NAV2: variants seen among roughly 807,000 people sequenced by gnomAD.
NAV2 encodes the protein neuron navigator 2.
Under a neutral mutation model 223.2 loss-of-function variants are expected in NAV2, and 54 were observed. The ratio of observed to expected loss-of-function variants is 0.24; its 90% CI spans 0.19 to 0.30. The LOEUF is 0.30. NAV2 is among the 10% of genes least tolerant of loss of function. The pLI, the probability that NAV2 is intolerant of heterozygous loss-of-function variation, is 1.00. For missense variants in NAV2, 2,806 were observed against 3,147.5 expected (o/e 0.89, Z 2.60); for synonymous variants, 1,279 against 1,239.3 (o/e 1.03, Z -0.67).
intron 1 of NAV2, among the ~76,000 whole-genome samples, chr11:19,791,537 C>G (rs2057521408): frequency 6.6e-6 from 1 of 152,310 alleles, no homozygotes; most frequent in African/African-American, 2.4e-5. Flanking sequence ...CATCCCATTG[C>G]TGTTGGTAAA....
chr11:19,429,591 G>A (rs1468727527), intron 1 of NAV2, among the ~76,000 whole-genome samples: 1 of 152,336 alleles, frequency 6.6e-6, no homozygotes, highest in East Asian at 1.9e-4. Flanking sequence ...GTTGGTTTAA[G>A]GTTGCAGGGA....
intron 1 of NAV2, among the ~76,000 whole-genome samples, chr11:19,463,301 G>C (rs573987708): frequency 6.6e-6 from 1 of 152,198 alleles, no homozygotes; most frequent in East Asian, 1.9e-4. Context: ...GCATTGTGCC[G>C]TGTCTAAGAA....
At chr11:19,643,940 A>G (rs950849340) in intron 1 of NAV2, among the ~76,000 whole-genome samples, 2 of 152,232 alleles carry the variant, frequency 1.3e-5, no homozygotes, top group Admixed American at 6.5e-5. Context: ...TGTGTGTTAT[A>G]TTTGAGCACG....
intron 4 of NAV2, among the ~76,000 whole-genome samples, chr11:19,870,525 T>A (rs1335326546): frequency 6.6e-6 from 1 of 152,144 alleles, no homozygotes; most frequent in Non-Finnish European, 1.5e-5. Flanking sequence ...TGGCTGGTAG[T>A]GACCCCTGGC....
intron 11 of NAV2, 45 bp from the exon 12 acceptor site, chr11:20,035,914 A>G (rs746351406): frequency 1.2e-6 from 2 of 1,612,238 alleles, no homozygotes; most frequent in Admixed American, 1.7e-5. Flanking sequence ...CTGAGCTGGA[A>G]CAGCCTGAGG....
At chr11:19,710,328 C>T (rs1303368852), upstream of NAV2, among the ~76,000 whole-genome samples, 2 of 152,190 alleles carry the variant, frequency 1.3e-5, no homozygotes, top group African/African-American at 4.8e-5. Flanking sequence ...AGAACTTACT[C>T]GGAAAGCAGA....
At chr11:19,867,333 G>C (rs1036427482) in intron 3 of NAV2, among the ~76,000 whole-genome samples, 3 of 152,108 alleles carry the variant, frequency 2.0e-5, no homozygotes, top group Admixed American at 6.5e-5. Flanking sequence ...AGGACCTCCT[G>C]GTTTCTCACC....
At chr11:19,771,067 G>T (rs1320437182) in intron 1 of NAV2, among the ~76,000 whole-genome samples, 1 of 152,158 alleles carries the variant, frequency 6.6e-6, no homozygotes, top group East Asian at 1.9e-4. Flanking sequence ...AGTAGGATGG[G>T]ATGATCTTTA....
In NAV2 at chr11:20,106,183, G is replaced by GTATATATATATA. The variant is rs1182631250; in HGVS notation, c.6841+492_6841+503dup. Among the ~76,000 whole-genome samples the GTATATATATATA allele has an allele frequency of 2.4e-4, 6 of 25,522 alleles. 1 individual carries two copies. Among genetic ancestry groups the GTATATATATATA allele is most frequent in the Non-Finnish European group, 3.8e-4 (4 of 10,522 alleles). The allele number at this position is 25,522 out of a possible 152,430, so 16.7% of individuals were successfully genotyped here. ...TATATATATATATATATATGTGTGT[G>GTATATATATATA]TATATATATATATATATATATATAT... On this transcript the variant is annotated intron_variant, in intron 35 of 37. Coordinates refer to ENST00000349880, the MANE Select transcript of NAV2 (RefSeq NM_145117.5).
intron 1 of NAV2, chr11:19,778,108 A>G (rs1451388796): frequency 1.5e-5 from 6 of 402,948 alleles, no homozygotes; most frequent in African/African-American, 4.1e-5. Context: ...ATAACCGCCT[A>G]TCAGTCCCGG....
chr11:19,713,264 C>A lies in NAV2; in HGVS notation c.-432C>A. Reference sequence around the variant, plus strand: ...CGGCTCAGACCCGTAGCCTCCGGAACGGGACTCGTGGGTCGCCGCCGCCTC... The same window carrying A: ...CGGCTCAGACCCGTAGCCTCCGGAAAGGGACTCGTGGGTCGCCGCCGCCTC... On this transcript the variant is annotated 5_prime_UTR_variant, in exon 1 of 38. Coordinates refer to ENST00000349880, the MANE Select transcript of NAV2 (RefSeq NM_145117.5). The surrounding 1 kb of genome is among the most constrained non-coding windows in gnomAD (Gnocchi z 7.2). The A allele has an allele frequency of 1.0e-6, 1 of 986,512 alleles. No homozygotes were observed. The highest frequency in any genetic ancestry group is 1.2e-6 in the Non-Finnish European group (1 of 826,586). 61.1% of individuals were successfully genotyped at this position (986,512 alleles called of 1,614,324 possible).
chr11:19,668,602 C>G (rs1206322716), intron 1 of NAV2, among the ~76,000 whole-genome samples: 1 of 148,534 alleles, frequency 6.7e-6, no homozygotes, highest in Non-Finnish European at 1.5e-5. Flanking sequence ...GTGTTTGTAG[C>G]TCAGTGATGA....
intron 1 of NAV2, among the ~76,000 whole-genome samples, chr11:19,449,282 C>T (rs879200732): frequency 4.0e-5 from 6 of 151,748 alleles, no homozygotes; most frequent in South Asian, 2.1e-4. Context: ...AAGATTCTGA[C>T]GAATGTGGAG....
intron 28 of NAV2, among the ~76,000 whole-genome samples, chr11:20,092,830 A>ATGC (rs1443260290): frequency 6.6e-6 from 1 of 152,070 alleles, no homozygotes; most frequent in Non-Finnish European, 1.5e-5. Context: ...TTTATCCATG[A>ATGC]TGCTGCTGCT....
chr11:19,970,788 T>A (rs2049172855), intron 10 of NAV2, among the ~76,000 whole-genome samples: 1 of 152,230 alleles, frequency 6.6e-6, no homozygotes, highest in South Asian at 2.1e-4. Context: ...TACTTTCTAC[T>A]TGTATTTTCT....
At chr11:19,563,825 A>C (rs1254858912) in intron 1 of NAV2, among the ~76,000 whole-genome samples, 3 of 152,206 alleles carry the variant, frequency 2.0e-5, no homozygotes, top group African/African-American at 7.2e-5. Context: ...TGTAACATGA[A>C]GAGAATAGTA....
At chr11:19,738,342 A>C (rs1385743726) in intron 1 of NAV2, among the ~76,000 whole-genome samples, 3 of 152,242 alleles carry the variant, frequency 2.0e-5, no homozygotes, top group African/African-American at 7.2e-5. Context: ...ACCCAGCAGG[A>C]GCCTGTCAGC....
intron 1 of NAV2, among the ~76,000 whole-genome samples, chr11:19,551,897 T>TTCTC (rs59538869): frequency 0.031 from 4,675 of 149,268 alleles, 215 homozygotes; most frequent in South Asian, 0.14. Context: ...TCCTCTCCTC[T>TTCTC]TCTCTCTCTC....
chr11:19,639,128 C>A (rs905132471), intron 1 of NAV2, among the ~76,000 whole-genome samples: 3 of 152,198 alleles, frequency 2.0e-5, no homozygotes, highest in Admixed American at 1.3e-4. Context: ...CATCTAAGAA[C>A]TAGGGTTTCT....
Sources: gnomAD v4.1 joint callset for allele counts (sites outside exome capture counted in the v4.1 genomes callset) on GRCh38, gnomAD v4.1.1 for gene constraint, Gnocchi (gnomAD v3.1) non-coding constraint, MANE v1.5 for transcripts, NCBI Gene and HGNC (gene_info 2026-07-23, HGNC 2026-07-21) for gene names.